The following FAR2 variants were observed in gnomAD, a reference collection of about 807,000 sequenced individuals.
FAR2 encodes the protein fatty acyl-CoA reductase 2.
In FAR2, 19 loss-of-function variants were observed where a neutral mutation model predicts 56.0. The observed-to-expected ratio is 0.34, with a 90% confidence interval of 0.24 to 0.50. The LOEUF (loss-of-function observed/expected upper bound fraction) is 0.50. FAR2 is among the 20% of genes least tolerant of loss of function. The probability of loss-of-function intolerance (pLI) is 0.98; values close to 1 mark genes in which losing one functional copy is unlikely to be tolerated. For synonymous variants in FAR2, 219 were observed against 218.8 expected, an observed-to-expected ratio of 1.00 and a Z score of -0.01; for missense variants, 508 against 642.2, an observed-to-expected ratio of 0.79 and a Z score of 2.26.
chr12:29,268,937 C>A (rs946891373), intron 1 of FAR2, among the ~76,000 whole-genome samples: 1 of 151,998 alleles, frequency 6.6e-6, no homozygotes, highest in Non-Finnish European at 1.5e-5. Flanking sequence ...GACATCAAGT[C>A]CTTTACAAGG....
chr12:29,224,854 A>C (rs1446457226), intron 1 of FAR2, among the ~76,000 whole-genome samples: 1 of 152,226 alleles, frequency 6.6e-6, no homozygotes, highest in East Asian at 1.9e-4. Context: ...ACAGTTGAAG[A>C]GTTCCCAAGT....
chr12:29,270,373 C>A, intron 1 of FAR2, 39 bp from the exon 2 acceptor site: 1 of 1,401,298 alleles, frequency 7.1e-7, no homozygotes, highest in Non-Finnish European at 9.6e-7. Context: ...ATGAGAACTT[C>A]TGAAGATGTA....
intron 10 of FAR2, among the ~76,000 whole-genome samples, chr12:29,324,507 G>A (rs1176008332): frequency 2.6e-5 from 4 of 152,112 alleles, no homozygotes; most frequent in Non-Finnish European, 4.4e-5. Flanking sequence ...GAGAAAGGTC[G>A]GGTTACCCAC....
chr12:29,233,079 C>G (rs947848104), intron 1 of FAR2, among the ~76,000 whole-genome samples: 14 of 152,164 alleles, frequency 9.2e-5, no homozygotes, highest in African/African-American at 2.9e-4. Context: ...TCAGTCCCCT[C>G]TTGGCTTCAA....
At position 29,290,317 on chromosome 12, in the gene FAR2, A is replaced by G. The variant is rs949890980; in HGVS notation, c.190-2983A>G. Among the ~76,000 whole-genome samples, 3 of 152,050 alleles carry G rather than the reference A, an allele frequency of 2.0e-5. No homozygotes were observed. In the South Asian group the frequency reaches 6.2e-4, roughly 32 times the overall value. ...AAAAATTGGCCAGACATGGTGGTGC[A>G]TACTTGTAATCCCAGCTACTCAGGA... On this transcript the variant is annotated intron_variant, in intron 2 of 11. Coordinates refer to ENST00000536681, the MANE Select transcript of FAR2 (RefSeq NM_001271783.2).
intron 8 of FAR2, among the ~76,000 whole-genome samples, chr12:29,315,187 G>C (rs1949425505): frequency 1.3e-5 from 2 of 152,212 alleles, no homozygotes; most frequent in African/African-American, 4.8e-5. Flanking sequence ...TCTTAGCAGA[G>C]ACCTGAAAGA....
intron 1 of FAR2, among the ~76,000 whole-genome samples, chr12:29,227,859 T>C (rs1947794414): frequency 6.8e-6 from 1 of 147,214 alleles, no homozygotes; most frequent in East Asian, 2.0e-4. Context: ...GCACATTTCA[T>C]TGGTATACTT....
intron 1 of FAR2, among the ~76,000 whole-genome samples, chr12:29,178,183 TAAAA>T (rs11325990): frequency 1.3e-5 from 2 of 148,314 alleles, no homozygotes; most frequent in African/African-American, 5.0e-5. Context: ...ATTATAACAA[TAAAA>T]AAAAAAAAAG....
At chr12:29,234,089 C>T (rs1177180873) in intron 1 of FAR2, among the ~76,000 whole-genome samples, 1 of 152,180 alleles carries the variant, frequency 6.6e-6, no homozygotes, top group East Asian at 1.9e-4. Flanking sequence ...CTTGTAGGCT[C>T]TTCCTCTTCG....
rs1169659567 is a variant in FAR2, at chr12:29,311,009, T to C, written c.769-19T>C. 1 of 1,571,074 alleles carries C rather than the reference T, an allele frequency of 6.4e-7. No individual in the cohort carries two copies. Among genetic ancestry groups the C allele is most frequent in the South Asian group, 1.1e-5 (1 of 90,194 alleles). Reference sequence around the variant, plus strand: ...ATTTAAGACCTGGTTTAATATTTTATGTTCTTTTTCCTATGCAGACTGGGA... The same window carrying C: ...ATTTAAGACCTGGTTTAATATTTTACGTTCTTTTTCCTATGCAGACTGGGA... On this transcript the variant is annotated intron_variant, in intron 6 of 11. Coordinates refer to ENST00000536681, the MANE Select transcript of FAR2 (RefSeq NM_001271783.2).
At chr12:29,332,833 A>G in intron 11 of FAR2, 106 bp downstream of exon 11, 3 of 1,089,388 alleles carry the variant, frequency 2.8e-6, no homozygotes, top group Non-Finnish European at 4.1e-6. Flanking sequence ...TTGAGCATTT[A>G]CTACATTACA....
In FAR2 at chr12:29,211,247, C is replaced by T. The variant is rs192522363; in HGVS notation, c.-38-59165C>T. 3.9e-5 allele frequency among the ~76,000 whole-genome samples: 6 copies of T among 152,088 alleles called. No homozygotes were observed. In the East Asian group the frequency reaches 9.7e-4, roughly 25 times the overall value. ...CGGAGGTTGTAGTGACCGGAGATCA[C>T]GCCACTGCACTCCGGCCTGGGCAAT... On this transcript the variant is annotated intron_variant, in intron 1 of 11. Coordinates refer to ENST00000536681, the MANE Select transcript of FAR2 (RefSeq NM_001271783.2).
chr12:29,239,444 T>C (rs545636441), intron 1 of FAR2, among the ~76,000 whole-genome samples: 1 of 119,026 alleles, frequency 8.4e-6, no homozygotes, highest in South Asian at 3.2e-4. Flanking sequence ...CACAGCTAAA[T>C]GAATCAACTG....
chr12:29,244,296 G>A (rs1948090008), intron 1 of FAR2, among the ~76,000 whole-genome samples: 1 of 152,200 alleles, frequency 6.6e-6, no homozygotes, highest in Non-Finnish European at 1.5e-5. Flanking sequence ...GCCTTGTTCA[G>A]TGAACAGGAA....
intron 2 of FAR2, among the ~76,000 whole-genome samples, chr12:29,273,196 C>G (rs775991117): frequency 6.6e-6 from 1 of 152,096 alleles, no homozygotes. Context: ...GGGGGGAAAC[C>G]CACTTGTCTG....
chr12:29,304,140 C>T (rs1949219575), intron 4 of FAR2, among the ~76,000 whole-genome samples: 1 of 152,196 alleles, frequency 6.6e-6, no homozygotes, highest in Non-Finnish European at 1.5e-5. Flanking sequence ...GCTTCCTGCT[C>T]TAAAAGATAA....
intron 1 of FAR2, among the ~76,000 whole-genome samples, chr12:29,166,285 T>A (rs983341554): frequency 1.3e-5 from 2 of 152,248 alleles, no homozygotes; most frequent in African/African-American, 4.8e-5. Flanking sequence ...TCTATATCTA[T>A]ACATAATTTT....
intron 1 of FAR2, among the ~76,000 whole-genome samples, chr12:29,251,917 C>A (rs975835668): frequency 5.3e-5 from 8 of 152,234 alleles, no homozygotes; most frequent in African/African-American, 1.9e-4. Context: ...CTATTTATTA[C>A]CCCTAGTGAC....
chr12:29,166,926 T>C (rs1322257018), intron 1 of FAR2, among the ~76,000 whole-genome samples: 2 of 152,176 alleles, frequency 1.3e-5, no homozygotes, highest in African/African-American at 4.8e-5. Context: ...CACTTTCTCA[T>C]AGTCAATGAG....
Sources: allele counts gnomAD v4.1 joint callset (sites outside exome capture counted in the v4.1 genomes callset), GRCh38; gene constraint gnomAD v4.1.1; transcripts MANE v1.5; gene names NCBI Gene and HGNC (gene_info 2026-07-23, HGNC 2026-07-21).